ZFYVE26: variants seen among roughly 807,000 people sequenced by gnomAD.
ZFYVE26 encodes the protein zinc finger FYVE-type containing 26.
In ZFYVE26, 181 loss-of-function variants were observed where a neutral mutation model predicts 276.5. The ratio of observed to expected loss-of-function variants is 0.65; its 90% CI spans 0.58 to 0.74. ZFYVE26 has a LOEUF of 0.74. Ranked by LOEUF, ZFYVE26 falls within the 30% of genes least tolerant of loss-of-function variation. The probability of loss-of-function intolerance (pLI) is 0.00; values close to 1 mark genes in which losing one functional copy is unlikely to be tolerated. For missense variants in ZFYVE26, 2,821 were observed against 3,097.9 expected (o/e 0.91, Z 2.12); for synonymous variants, 1,129 against 1,203.1 (o/e 0.94, Z 1.27).
chr14:67,768,685 G>A lies in ZFYVE26; in HGVS notation c.5622-137C>T, dbSNP rs1189771369. Reference sequence around the variant, plus strand: ...TTGAGGGTAGAATTGTTGAATGAAAGAGTCCCCCATCAATACTAACTGCCC... The same window carrying A: ...TTGAGGGTAGAATTGTTGAATGAAAAAGTCCCCCATCAATACTAACTGCCC... On this transcript the variant is annotated intron_variant, in intron 29 of 41. Coordinates refer to ENST00000347230, the MANE Select transcript of ZFYVE26 (RefSeq NM_015346.4). 3.2e-5 allele frequency: 26 copies of A among 818,558 alleles called. No individual in the cohort carries two copies. The South Asian group carries it at 3.5e-4, about 11-fold the overall frequency. 50.7% of individuals were successfully genotyped at this position (818,558 alleles called of 1,614,324 possible).
At chr14:67,792,527 T>C (rs1266024240) in intron 14 of ZFYVE26, among the ~76,000 whole-genome samples, 1 of 152,218 alleles carries the variant, frequency 6.6e-6, no homozygotes, top group Non-Finnish European at 1.5e-5. Context: ...TCAGTCTTTC[T>C]GATTACCATT....
chr14:67,735,012 A>C (rs1468798082), intron 13 of ZFYVE26, among the ~76,000 whole-genome samples: 1 of 152,230 alleles, frequency 6.6e-6, no homozygotes, highest in Admixed American at 6.5e-5. Flanking sequence ...AATATTTTAA[A>C]TCTGAAAGTT....
intron 35 of ZFYVE26, 184 bp from the exon 36 acceptor site, chr14:67,756,329 T>C: frequency 1.4e-6 from 1 of 692,896 alleles, no homozygotes; most frequent in Non-Finnish European, 2.5e-6. Context: ...ACTTCTCTCC[T>C]TCCTTTTACA....
Position 67,752,332 on chromosome 14 carries a change from G to A in ZFYVE26, c.7371+12C>T, listed in dbSNP as rs1346651420. On this transcript the variant is annotated intron_variant, in intron 40 of 41. Transcript: ENST00000347230. ...TTGATGGAGGAGCCAAGAGGTACGG[G>A]AGGGAGTGTACCTGGGGCGGAATTC... is the stretch of plus-strand genomic sequence containing the variant. The A allele has an allele frequency of 6.2e-7, 1 of 1,606,204 alleles. No homozygotes were observed. Among genetic ancestry groups the A allele is most frequent in the South Asian group, 1.1e-5 (1 of 89,254 alleles).
chr14:67,815,205 T>G (rs980447233), intron 2 of ZFYVE26, among the ~76,000 whole-genome samples: 3 of 152,188 alleles, frequency 2.0e-5, no homozygotes, highest in Non-Finnish European at 4.4e-5. Flanking sequence ...GAAGGCAGAT[T>G]AAGAAAATGC....
chr14:67,742,074 C>G (rs2038421518), downstream of ZFYVE26, among the ~76,000 whole-genome samples: 1 of 152,222 alleles, frequency 6.6e-6, no homozygotes, highest in Non-Finnish European at 1.5e-5. Context: ...CTCAGTCTCA[C>G]AGATTGGAGC....
At chr14:67,792,798 A>C (rs2039849405) in intron 14 of ZFYVE26, among the ~76,000 whole-genome samples, 1 of 151,328 alleles carries the variant, frequency 6.6e-6, no homozygotes, top group Non-Finnish European at 1.5e-5. Flanking sequence ...TGTAATCCTA[A>C]CTACTCGGGA....
intron 27 of ZFYVE26, among the ~76,000 whole-genome samples, chr14:67,774,430 C>G (rs12586329): frequency 6.6e-6 from 1 of 151,786 alleles, no homozygotes; most frequent in Non-Finnish European, 1.5e-5. Flanking sequence ...ATCCAGGAGG[C>G]GGAGGTTGCA....
Position 67,753,700 on chromosome 14 carries a change from G to A in ZFYVE26, c.7188+7C>T. 1 of 1,612,914 alleles carries A rather than the reference G, an allele frequency of 6.2e-7. No homozygotes were observed. The highest frequency in any genetic ancestry group is 8.5e-7 in the Non-Finnish European group (1 of 1,179,312). The stretch of plus-strand genomic sequence containing the variant: ...CCTCAGTATGATTTGAATGATCCAA[G>A]TCATACCTGCAGAACACGGAAAGCA... On this transcript the variant is annotated splice_region_variant and intron_variant, in intron 39 of 41. Transcript: ENST00000347230.
chr14:67,806,668 C>T lies in ZFYVE26; in HGVS notation c.894G>A (p.Pro298=), dbSNP rs34082929. The change falls in exon 6 of 42, where the codon CCG becomes CCA. Residue 298 remains proline, a synonymous_variant. Transcript: ENST00000347230. ...TTGCCCGCTCAGGATCTAGATGATC[C>T]GGTGAGACTGAACATCAAACAAGAC... ...PRATASGKVS[P]DHLDPERAML... is the part of the protein sequence containing the mutation. The T allele has an allele frequency of 4.0e-5, 64 of 1,613,840 alleles. No individual in the cohort carries two copies. The highest frequency in any genetic ancestry group is 2.0e-4 in the African/African-American group (15 of 74,914).
Position 67,794,229 on chromosome 14 carries a change from G to C in ZFYVE26, c.2343C>G (p.Asp781Glu). 6.2e-7 allele frequency: 1 copy of C among 1,614,186 alleles called. No individual in the cohort carries two copies. Among genetic ancestry groups the C allele is most frequent in the Non-Finnish European group, 8.5e-7 (1 of 1,180,002 alleles). Residue 781 changes from aspartate (D) to glutamate (E), a missense_variant, in exon 13 of 42, where the codon GAC becomes GAG. Transcript: ENST00000347230. ...RTRRSQADGR[D>E]RGSNPSLEST... ...TTTCCAGGGATGGGTTTGAACCTCT[G>C]TCTCGGCCATCTACAGGTATTGGGA...
chr14:67,774,998 A>C lies in ZFYVE26; in HGVS notation c.5320+18T>G, dbSNP rs2039303079. ...CTAAACTGAAAAATTTTAGTGAATC[A>C]TCAGAGCCAGTTCTTACCAGGAGGA... is the stretch of plus-strand genomic sequence containing the variant. On this transcript the variant is annotated intron_variant, in intron 27 of 41. Coordinates refer to ENST00000347230, the MANE Select transcript of ZFYVE26 (RefSeq NM_015346.4). 2.5e-6 allele frequency: 4 copies of C among 1,588,982 alleles called. No homozygotes were observed. The highest frequency in any genetic ancestry group is 3.4e-6 in the Non-Finnish European group (4 of 1,162,310).
chr14:67,807,739 G>C lies in ZFYVE26; in HGVS notation c.545C>G (p.Thr182Ser). ...LELLLEEDDG[T>S]GLCHWPLQNA... ...CTGCAGAGGCCAGTGACAGAGGCCAGTACCGTCATCCTCCTCAAGCAGGAG... is the reference window on the plus strand; with the variant it reads ...CTGCAGAGGCCAGTGACAGAGGCCACTACCGTCATCCTCCTCAAGCAGGAG... The change falls in exon 5 of 42, where the codon ACT becomes AGT. Residue 182 changes from threonine (T) to serine (S), a missense_variant. Physicochemically the swap from Thr to Ser is moderately conservative, Grantham distance 58. Transcript: ENST00000347230. The C allele has an allele frequency of 6.2e-7, 1 of 1,614,212 alleles. No homozygotes were observed. Among genetic ancestry groups the C allele is most frequent in the Non-Finnish European group, 8.5e-7 (1 of 1,180,040 alleles).
intron 13 of ZFYVE26, among the ~76,000 whole-genome samples, chr14:67,733,277 A>C (rs2038309763): frequency 6.6e-6 from 1 of 152,214 alleles, no homozygotes; most frequent in South Asian, 2.1e-4. Flanking sequence ...CTGTCCCCAG[A>C]ATTCAAGAGG....
At chr14:67,786,081 TC>T in intron 17 of ZFYVE26, 32 bp downstream of exon 17, 1 of 1,614,022 alleles carries the variant, frequency 6.2e-7, no homozygotes, top group African/African-American at 1.3e-5. Context: ...ATGTTCCAAG[TC>T]CAGGAGAAGA....
chr14:67,768,108 C>A (rs2039107324), intron 30 of ZFYVE26, among the ~76,000 whole-genome samples: 1 of 152,110 alleles, frequency 6.6e-6, no homozygotes, highest in Non-Finnish European at 1.5e-5. Flanking sequence ...GCGTGTTTCT[C>A]AAATAGATGG....
At chr14:67,774,019 G>T (rs2039279378) in intron 27 of ZFYVE26, among the ~76,000 whole-genome samples, 1 of 152,138 alleles carries the variant, frequency 6.6e-6, no homozygotes. Context: ...GAACTTGAGG[G>T]CTAAGTACGG....
downstream of ZFYVE26, among the ~76,000 whole-genome samples, chr14:67,745,812 G>T (rs1223701113): frequency 2.0e-5 from 3 of 151,352 alleles, no homozygotes; most frequent in African/African-American, 4.9e-5. Context: ...GATTGCTTAA[G>T]CCCAGAAGTT....
rs1408404322 is a variant in ZFYVE26 at position 67,781,213 on chromosome 14, G to A, written c.4569+120C>T. The stretch of plus-strand genomic sequence containing the variant: ...GTTCACCTAAGAACTGAAGCCAGAT[G>A]CAAAGCAAAACCCAGACCTATATTT... On this transcript the variant is annotated intron_variant, in intron 22 of 41. Transcript: ENST00000347230. 28 of 1,224,290 alleles carry A rather than the reference G, an allele frequency of 2.3e-5. No homozygotes were observed. In the East Asian group the frequency reaches 3.5e-4, roughly 15 times the overall value. 75.8% of individuals were successfully genotyped at this position (1,224,290 alleles called of 1,614,324 possible).
Sources: allele counts gnomAD v4.1 joint callset (sites outside exome capture counted in the v4.1 genomes callset), GRCh38; gene constraint gnomAD v4.1.1; transcripts MANE v1.5; gene names NCBI Gene and HGNC (gene_info 2026-07-23, HGNC 2026-07-21).